Variants in SEMA6A observed in about 807,000 individuals in gnomAD.
SEMA6A encodes semaphorin 6A.
Under a neutral mutation model 96.8 loss-of-function variants are expected in SEMA6A, and 25 were observed. The observed-to-expected ratio is 0.26, with a 90% CI of 0.19 to 0.36. The LOEUF (loss-of-function observed/expected upper bound fraction) is 0.36. Ranked by LOEUF, SEMA6A falls within the 10% of genes least tolerant of loss-of-function variation. SEMA6A has a pLI of 1.00. For missense variants in SEMA6A, 1,363 were observed against 1,323.1 expected, an observed-to-expected ratio of 1.03 and a Z score of -0.47; for synonymous variants, 612 against 518.0, an observed-to-expected ratio of 1.18 and a Z score of -2.46.
intron 1 of SEMA6A, among the ~76,000 whole-genome samples, chr5:116,507,501 C>G (rs1455423328): frequency 6.6e-6 from 1 of 152,144 alleles, no homozygotes; most frequent in Non-Finnish European, 1.5e-5. Context: ...CCCAGGAGAA[C>G]AAAAACCAGA....
chr5:116,447,158 G>T lies in SEMA6A; in HGVS notation c.2548C>A (p.Leu850Met). Residue 850 changes from leucine (L) to methionine (M), a missense_variant, in exon 19 of 19, where the codon CTG (leucine) becomes ATG (methionine). Leu to Met is a conservative substitution (Grantham distance 15, BLOSUM62 2). Around this residue, in one of 2 missense-constraint regions of SEMA6A, gnomAD observed 883 missense variants for 763.6 expected, o/e 1.16. Coordinates refer to ENST00000343348, the MANE Select transcript of SEMA6A (RefSeq NM_020796.5). Reference protein sequence around the residue: ...QMALEDQAATLEYKTIKEHLS... With the variant: ...QMALEDQAATMEYKTIKEHLS... ...TGTTCCTTGATGGTCTTATACTCCA[G>T]TGTGGCGGCCTGGTCCTCCAGCGCC... The T allele has an allele frequency of 1.2e-6, 2 of 1,614,022 alleles. No homozygotes were observed. The highest frequency in any genetic ancestry group is 1.7e-6 in the Non-Finnish European group (2 of 1,179,890).
chr5:116,466,508 G>A (rs1277018467), intron 18 of SEMA6A, among the ~76,000 whole-genome samples: 1 of 152,118 alleles, frequency 6.6e-6, no homozygotes, highest in Non-Finnish European at 1.5e-5. Context: ...ATTTTGACTT[G>A]GCAAATAGAG....
intron 1 of SEMA6A, chr5:116,550,340 G>A (rs1192561207): frequency 1.3e-5 from 2 of 152,090 alleles, no homozygotes; most frequent in Non-Finnish European, 2.9e-5. Context: ...TCCTCTCTAA[G>A]GTTATCTGAC....
chr5:116,520,347 C>T (rs1484631105), intron 1 of SEMA6A, among the ~76,000 whole-genome samples: 1 of 143,244 alleles, frequency 7.0e-6, no homozygotes, highest in Non-Finnish European at 1.5e-5. Flanking sequence ...TGTTCCTCCC[C>T]TCCACTAGAA....
chr5:116,568,666 G>C (rs1761099350), intron 1 of SEMA6A, among the ~76,000 whole-genome samples: 1 of 152,204 alleles, frequency 6.6e-6, no homozygotes, highest in Admixed American at 6.5e-5. Flanking sequence ...CTACAACCAG[G>C]TGTCTCACAG....
intron 10 of SEMA6A, among the ~76,000 whole-genome samples, chr5:116,485,905 G>A (rs1757028557): frequency 6.6e-6 from 1 of 152,138 alleles, no homozygotes; most frequent in African/African-American, 2.4e-5. Flanking sequence ...TGAGTACTAA[G>A]GAAAAACACT....
chr5:116,482,681 G>C, intron 10 of SEMA6A, 106 bp from the exon 11 acceptor site: 1 of 1,132,810 alleles, frequency 8.8e-7, no homozygotes, highest in Non-Finnish European at 1.3e-6. Context: ...GAAATTTAAA[G>C]TTCATACCTT....
intron 12 of SEMA6A, 77 bp from the exon 13 acceptor site, chr5:116,478,795 T>G (rs1756601875): frequency 7.1e-7 from 1 of 1,413,958 alleles, no homozygotes; most frequent in East Asian, 2.3e-5. Flanking sequence ...TTCAAACAGC[T>G]GCGACATAGC....
At chr5:116,548,999 G>A (rs1301485102) in intron 1 of SEMA6A, among the ~76,000 whole-genome samples, 1 of 152,144 alleles carries the variant, frequency 6.6e-6, no homozygotes, top group Non-Finnish European at 1.5e-5. Flanking sequence ...CTAGCTGATG[G>A]AAAGACCAAA....
At chr5:116,500,865 G>T (rs988558429) in intron 3 of SEMA6A, among the ~76,000 whole-genome samples, 2 of 152,110 alleles carry the variant, frequency 1.3e-5, no homozygotes, top group African/African-American at 4.8e-5. Context: ...AATTAGCTGG[G>T]CGTGGTGGCG....
chr5:116,509,101 G>A (rs990353069), intron 1 of SEMA6A, among the ~76,000 whole-genome samples: 1 of 152,230 alleles, frequency 6.6e-6, no homozygotes, highest in African/African-American at 2.4e-5. Context: ...GGTGCATCAA[G>A]TTGCATGGAG....
chr5:116,565,952 A>G (rs993327829), intron 1 of SEMA6A, among the ~76,000 whole-genome samples: 64 of 152,220 alleles, frequency 4.2e-4, no homozygotes, highest in African/African-American at 1.5e-3. Context: ...AGTCGCTGCA[A>G]TATTAATGAA....
chr5:116,459,029 G>T (rs370978029), intron 18 of SEMA6A, among the ~76,000 whole-genome samples: 1 of 152,052 alleles, frequency 6.6e-6, no homozygotes, highest in Non-Finnish European at 1.5e-5. Context: ...TCCTTTTCTC[G>T]TAGGTGACCA....
chr5:116,446,327 T>G lies in SEMA6A; in HGVS notation c.*286A>C. Reference sequence around the variant, plus strand: ...GTAGGTATGTGCTTTTGGCTCATGTTTGTGATGATAACTGAAGTCTTTTGT... The same window carrying G: ...GTAGGTATGTGCTTTTGGCTCATGTGTGTGATGATAACTGAAGTCTTTTGT... On this transcript the variant is annotated 3_prime_UTR_variant, in exon 19 of 19. Coordinates refer to ENST00000343348, the MANE Select transcript of SEMA6A (RefSeq NM_020796.5). 1 of 301,792 alleles carries G rather than the reference T, an allele frequency of 3.3e-6. No homozygotes were observed. Among genetic ancestry groups the G allele is most frequent in the Non-Finnish European group, 6.1e-6 (1 of 162,808 alleles). The allele number at this position is 301,792 out of a possible 1,614,324, so 18.7% of individuals were successfully genotyped here.
intron 1 of SEMA6A, among the ~76,000 whole-genome samples, chr5:116,559,310 C>G (rs1196901568): frequency 1.3e-5 from 2 of 152,186 alleles, no homozygotes; most frequent in East Asian, 1.9e-4. Flanking sequence ...CTCCTCAGGC[C>G]CAGTCCGCAA....
chr5:116,539,640 G>A (rs1244747949), intron 1 of SEMA6A, among the ~76,000 whole-genome samples: 31 of 150,982 alleles, frequency 2.1e-4, no homozygotes, highest in Admixed American at 2.0e-3. Context: ...TTTTACTCCT[G>A]TAATCCCCTT....
At chr5:116,503,757 C>T (rs1331336625) in intron 2 of SEMA6A, among the ~76,000 whole-genome samples, 3 of 152,054 alleles carry the variant, frequency 2.0e-5, no homozygotes, top group African/African-American at 4.8e-5. Context: ...CCTCATGATC[C>T]GCCCACCTCG....
Position 116,447,525 on chromosome 5 carries a change from C to T in SEMA6A, c.2181G>A (p.Met727Ile), listed in dbSNP as rs1313373394. 6.2e-7 allele frequency: 1 copy of T among 1,614,080 alleles called. No individual in the cohort carries two copies. The highest frequency in any genetic ancestry group is 1.7e-5 in the Admixed American group (1 of 60,034). ...PKPEAILTPL[M>I]HNGKLATPGN... is the part of the protein sequence containing the mutation. ...CGGGAGTGGCGAGCTTGCCGTTGTG[C>T]ATGAGTGGCGTGAGGATGGCCTCCG... Residue 727 changes from methionine to isoleucine, a missense_variant, in exon 19 of 19, where the codon ATG becomes ATA. By Grantham distance (10) the Met-to-Ile change is conservative (BLOSUM62 1). Around this residue, in one of 2 missense-constraint regions of SEMA6A, gnomAD observed 883 missense variants for 763.6 expected, o/e 1.16. Transcript: ENST00000343348.
At chr5:116,560,264 G>A (rs1760769172) in intron 1 of SEMA6A, among the ~76,000 whole-genome samples, 2 of 152,142 alleles carry the variant, frequency 1.3e-5, no homozygotes, top group Admixed American at 6.5e-5. Flanking sequence ...CTGCATTTGG[G>A]ACAGAGAATA....
Sources: gnomAD v4.1 joint callset for allele counts (sites outside exome capture counted in the v4.1 genomes callset) on GRCh38, gnomAD v4.1.1 for gene constraint, gnomAD v4.1.1 regional missense constraint, MANE v1.5 for transcripts, NCBI Gene and HGNC (gene_info 2026-07-23, HGNC 2026-07-21) for gene names.